The following ATP11A variants were observed in gnomAD, a reference collection of about 807,000 sequenced individuals.
The protein encoded by ATP11A is ATPase phospholipid transporting 11A, also known as phospholipid-transporting ATPase IH.
A neutral mutation model predicts 154.4 loss-of-function variants in ATP11A; 81 were observed. The ratio of observed to expected loss-of-function variants is 0.52; its 90% CI spans 0.44 to 0.63. The LOEUF (loss-of-function observed/expected upper bound fraction) is 0.63. Among genes scored for constraint, ATP11A ranks in the 30% least tolerant of loss-of-function variants. The probability of loss-of-function intolerance (pLI) is 0.00; values close to 1 mark genes in which losing one functional copy is unlikely to be tolerated. For synonymous variants in ATP11A, 623 were observed against 585.9 expected, an observed-to-expected ratio of 1.06 and a Z score of -0.91; for missense variants, 1,316 against 1,474.3, an observed-to-expected ratio of 0.89 and a Z score of 1.76.
intron 1 of ATP11A, among the ~76,000 whole-genome samples, chr13:112,703,042 T>C (rs1445869124): frequency 1.3e-5 from 2 of 152,270 alleles, no homozygotes; most frequent in Non-Finnish European, 2.9e-5. Context: ...TTTATTGTTA[T>C]GTAAGCACCT....
chr13:112,870,528 G>A (rs1206818819), intron 25 of ATP11A, among the ~76,000 whole-genome samples: 6 of 152,132 alleles, frequency 3.9e-5, no homozygotes, highest in Admixed American at 6.5e-5. Context: ...ACAGGCAGGC[G>A]CCGCTACGCC....
At chr13:112,829,723 A>C (rs1454541212) in intron 12 of ATP11A, among the ~76,000 whole-genome samples, 1 of 152,222 alleles carries the variant, frequency 6.6e-6, no homozygotes, top group African/African-American at 2.4e-5. Context: ...GAAAAAGAAA[A>C]GGCATTCGTA....
chr13:112,778,394 C>G (rs889511811), intron 1 of ATP11A, among the ~76,000 whole-genome samples: 2 of 152,238 alleles, frequency 1.3e-5, no homozygotes, highest in Non-Finnish European at 2.9e-5. Context: ...CCTTGTAACT[C>G]TCTTCAGAGT....
intron 4 of ATP11A, among the ~76,000 whole-genome samples, chr13:112,808,025 GA>G (rs1566511205): frequency 1.3e-5 from 2 of 152,140 alleles, no homozygotes; most frequent in Admixed American, 6.5e-5. Flanking sequence ...TGTCCTGGAG[GA>G]GAGGAGAGGA....
intron 1 of ATP11A, among the ~76,000 whole-genome samples, chr13:112,768,757 G>T (rs1398743356): frequency 2.6e-5 from 4 of 152,192 alleles, no homozygotes; most frequent in Non-Finnish European, 5.9e-5. Context: ...CGACCCCTCG[G>T]TGTTCCCGCT....
intron 1 of ATP11A, among the ~76,000 whole-genome samples, chr13:112,775,907 T>C (rs1199045366): frequency 2.0e-5 from 3 of 152,174 alleles, no homozygotes; most frequent in African/African-American, 7.2e-5. Context: ...GAACAGCAAG[T>C]ACGCCCCCGT....
At position 112,834,530 on chromosome 13, in the gene ATP11A, CTA is replaced by C. The variant is rs144194585; in HGVS notation, c.1560-57_1560-56del. 3.4e-3 allele frequency: 3,748 copies of C among 1,118,088 alleles called. 89 individuals carry two copies. In the African/African-American group the frequency reaches 0.051, roughly 15 times the overall value. 69.3% of individuals were successfully genotyped at this position (1,118,088 alleles called of 1,614,324 possible). On this transcript the variant is annotated intron_variant, in intron 14 of 29. Transcript: ENST00000375645. ...TTTACCAAAATATAAAGCAAATACTCTATGAAAGAGGAACATCAGAATCTCAG... is the reference window on the plus strand; with the variant it reads ...TTTACCAAAATATAAAGCAAATACTCTGAAAGAGGAACATCAGAATCTCAG...
intron 1 of ATP11A, among the ~76,000 whole-genome samples, chr13:112,776,334 A>C (rs1284591281): frequency 6.6e-6 from 1 of 152,136 alleles, no homozygotes; most frequent in Admixed American, 6.5e-5. Context: ...AAATTCCTCC[A>C]TGCTGCCTGC....
At position 112,734,808 on chromosome 13, in the gene ATP11A, G is replaced by A. The variant is rs151000084; in HGVS notation, c.39+44353G>A. Among the ~76,000 whole-genome samples the A allele has an allele frequency of 4.6e-3, 701 of 152,278 alleles. 4 individuals are homozygous for A. Among genetic ancestry groups the A allele is most frequent in the Non-Finnish European group, 8.2e-3 (556 of 68,020 alleles). On this transcript the variant is annotated intron_variant, in intron 1 of 29. Coordinates refer to ENST00000375645, the MANE Select transcript of ATP11A (RefSeq NM_015205.3). ...GGGGATCACTATGGTGCCTGGTGGGGTGGCAGGTGCCTCCTCCTGAGGCAG... is the reference window on the plus strand; with the variant it reads ...GGGGATCACTATGGTGCCTGGTGGGATGGCAGGTGCCTCCTCCTGAGGCAG...
chr13:112,707,636 G>A (rs191587631), intron 1 of ATP11A, among the ~76,000 whole-genome samples: 1 of 152,048 alleles, frequency 6.6e-6, no homozygotes, highest in African/African-American at 2.4e-5. Context: ...GAAAAAGCTC[G>A]GTAAGTGGGT....
At position 112,789,904 on chromosome 13, in the gene ATP11A, A is replaced by G. The variant is rs573567766; in HGVS notation, c.162+4647A>G. Among the ~76,000 whole-genome samples, 42 of 150,932 alleles carry G rather than the reference A, an allele frequency of 2.8e-4. 1 individual carries two copies. The highest frequency in any genetic ancestry group is 6.3e-4 in the South Asian group (3 of 4,744). On this transcript the variant is annotated intron_variant, in intron 2 of 29. Coordinates refer to ENST00000375645, the MANE Select transcript of ATP11A (RefSeq NM_015205.3). The stretch of plus-strand genomic sequence containing the variant: ...GATGTGTAGACCCCTGTGGAGACCT[A>G]CTTAATTCACACCTGGCATCCTGAC...
chr13:112,855,839 A>G, intron 19 of ATP11A, 72 bp from the exon 20 acceptor site: 1 of 1,421,878 alleles, frequency 7.0e-7, no homozygotes, highest in Non-Finnish European at 9.5e-7. Context: ...TCGATATCCA[A>G]AAACAATACA....
chr13:112,721,449 C>G lies in ATP11A; in HGVS notation c.39+30994C>G, dbSNP rs1024297158. ...TGCATTTGGATATGTCGAGGGAAGCCGGGTACTCCAGGCAGGGCCCAGAGG... is the reference window on the plus strand; with the variant it reads ...TGCATTTGGATATGTCGAGGGAAGCGGGGTACTCCAGGCAGGGCCCAGAGG... On this transcript the variant is annotated intron_variant, in intron 1 of 29. Transcript: ENST00000375645. Among the ~76,000 whole-genome samples, 5 of 152,316 alleles carry G rather than the reference C, an allele frequency of 3.3e-5. No individual in the cohort carries two copies. In the East Asian group the frequency reaches 7.7e-4, roughly 24 times the overall value.
intron 6 of ATP11A, among the ~76,000 whole-genome samples, chr13:112,816,691 C>A (rs2078656606): frequency 6.6e-6 from 1 of 152,074 alleles, no homozygotes; most frequent in African/African-American, 2.4e-5. Context: ...ACAGTTCATC[C>A]TAAATAATGC....
intron 1 of ATP11A, among the ~76,000 whole-genome samples, chr13:112,743,441 T>C (rs1377488499): frequency 1.4e-5 from 2 of 145,402 alleles, no homozygotes; most frequent in African/African-American, 5.7e-5. Flanking sequence ...CATAGGCAGG[T>C]GTTGTAGGTT....
At chr13:112,849,497 T>G (rs2079701061) in intron 17 of ATP11A, among the ~76,000 whole-genome samples, 1 of 152,278 alleles carries the variant, frequency 6.6e-6, no homozygotes, top group Non-Finnish European at 1.5e-5. Flanking sequence ...GGGACCATTT[T>G]GGGTTATTAT....
intron 13 of ATP11A, 37 bp from the exon 14 acceptor site, chr13:112,832,823 C>A: frequency 6.3e-7 from 1 of 1,599,298 alleles, no homozygotes. Flanking sequence ...AGTGGACGCA[C>A]CGTGATTTGG....
intron 16 of ATP11A, among the ~76,000 whole-genome samples, chr13:112,839,417 T>A (rs2079331842): frequency 6.6e-6 from 1 of 152,030 alleles, no homozygotes; most frequent in South Asian, 2.1e-4. Context: ...TCGGGGACAT[T>A]TGCTGTCACG....
chr13:112,834,799 A>G (rs1007464347), intron 15 of ATP11A, 139 bp downstream of exon 15: 5 of 659,388 alleles, frequency 7.6e-6, no homozygotes, highest in East Asian at 2.8e-5. Context: ...GTGACACCCC[A>G]GGAATGTCAC....
Sources: allele counts gnomAD v4.1 joint callset (sites outside exome capture counted in the v4.1 genomes callset), GRCh38; gene constraint gnomAD v4.1.1; transcripts MANE v1.5; gene names NCBI Gene and HGNC (gene_info 2026-07-23, HGNC 2026-07-21).